The following STK31 variants were observed in gnomAD, a reference collection of about 807,000 sequenced individuals.
STK31 encodes the protein serine/threonine kinase 31.
STK31 carries 89 observed loss-of-function variants against 129.7 expected under a neutral mutation model. That is an observed-to-expected ratio of 0.69 (90% confidence interval 0.58 to 0.82). The LOEUF (loss-of-function observed/expected upper bound fraction) is 0.82, where lower values mean the gene tolerates loss of function less well. Ranked by LOEUF, STK31 falls within the 40% of genes least tolerant of loss-of-function variation. The probability of loss-of-function intolerance (pLI) is 0.00; values close to 1 mark genes in which losing one functional copy is unlikely to be tolerated. For missense variants in STK31, 1,187 were observed against 1,176.4 expected (o/e 1.01, Z -0.13); for synonymous variants, 448 against 395.3 (o/e 1.13, Z -1.58).
rs1305030561 is a variant in STK31 at position 23,736,948 on chromosome 7, G to T, written c.887G>T (p.Ser296Ile). 6.2e-7 allele frequency: 1 copy of T among 1,612,974 alleles called. No homozygotes were observed. Among genetic ancestry groups the T allele is most frequent in the Non-Finnish European group, 8.5e-7 (1 of 1,179,660 alleles). The change falls in exon 8 of 24, where the codon AGC becomes ATC. Residue 296 changes from serine to isoleucine, a missense_variant. By Grantham distance (142) the Ser-to-Ile change is moderately radical. Transcript: ENST00000355870. Reference sequence around the variant, plus strand: ...GACTTTAATTTAGGGTCTAACGTCAGCCTGGAAAAAATTAAGCAGGACCAG... The same window carrying T: ...GACTTTAATTTAGGGTCTAACGTCATCCTGGAAAAAATTAAGCAGGACCAG... The part of the protein sequence containing the change: ...VGDFNLGSNV[S>I]LEKIKQDQKL...
intron 23 of STK31, among the ~76,000 whole-genome samples, chr7:23,825,463 A>G (rs1207360696): frequency 6.6e-6 from 1 of 151,960 alleles, no homozygotes; most frequent in African/African-American, 2.4e-5. Flanking sequence ...GTCATTTTTT[A>G]TTGCATCTAT....
chr7:23,832,134 A>G lies in STK31; in HGVS notation c.2830-2A>G. ...TTTTGTAACACCTGTTTTTCCTTGC[A>G]GGATGATAAAGTCAAATCCCTCCTC... On this transcript the variant is annotated splice_acceptor_variant, in intron 23 of 23. Coordinates refer to ENST00000355870, the MANE Select transcript of STK31 (RefSeq NM_031414.5). LOFTEE classifies it high-confidence loss of function. 1 of 1,606,618 alleles carries G rather than the reference A, an allele frequency of 6.2e-7. No homozygotes were observed. Among genetic ancestry groups the G allele is most frequent in the Non-Finnish European group, 8.5e-7 (1 of 1,174,214 alleles).
At chr7:23,730,878 A>ATATATATATATATATTTTTT in intron 6 of STK31, among the ~76,000 whole-genome samples, 1 of 59,542 alleles carries the variant, frequency 1.7e-5, no homozygotes, top group Admixed American at 2.7e-4. Context: ...ATATATATAT[A>ATATATATATATATATTTTTT]TTTTTTTTTT....
At chr7:23,767,612 A>G (rs1789911083) in intron 11 of STK31, among the ~76,000 whole-genome samples, 1 of 152,180 alleles carries the variant, frequency 6.6e-6, no homozygotes, top group Non-Finnish European at 1.5e-5. Context: ...AGTGAAGGAA[A>G]GAGAATGGTC....
intron 9 of STK31, among the ~76,000 whole-genome samples, chr7:23,753,404 T>C (rs1584386540): frequency 1.3e-5 from 2 of 152,184 alleles, no homozygotes; most frequent in Non-Finnish European, 2.9e-5. Context: ...AAGGGTGTCA[T>C]GTCCAGGATT....
rs1229714817 is a variant in STK31 at position 23,786,877 on chromosome 7, A to G, written c.2440A>G (p.Arg814Gly). The G allele has an allele frequency of 6.2e-7, 1 of 1,614,034 alleles. No homozygotes were observed. Reference protein sequence around the residue: ...MAYLMVPYYPRANLNAVQANM... With the variant: ...MAYLMVPYYPGANLNAVQANM... ...TTATCTGATGGTCCCATACTACCCT[A>G]GGGCAAACCTGAATGCTGTTCAAGC... The change falls in exon 20 of 24, where the codon AGG becomes GGG. Residue 814 changes from arginine to glycine, a missense_variant. Transcript: ENST00000355870.
At chr7:23,755,563 A>G (rs924083389) in intron 10 of STK31, among the ~76,000 whole-genome samples, 6 of 152,162 alleles carry the variant, frequency 3.9e-5, no homozygotes, top group African/African-American at 1.4e-4. Flanking sequence ...TTTTGTCAAG[A>G]AGTCTTTGCC....
rs140069274 is a variant in STK31 at position 23,711,398 on chromosome 7, C to G, written c.51-701C>G. ...GTTGCAGTGAGCTAAGATCTCCAGC[C>G]TGAGCGACAGAGCAAGACTTCGTTT... is the stretch of plus-strand genomic sequence containing the variant. On this transcript the variant is annotated intron_variant, in intron 1 of 23. Coordinates refer to ENST00000355870, the MANE Select transcript of STK31 (RefSeq NM_031414.5). 5.9e-4 allele frequency among the ~76,000 whole-genome samples: 89 copies of G among 150,926 alleles called. No homozygotes were observed. In the East Asian group the frequency reaches 0.017, roughly 28 times the overall value.
At chr7:23,735,008 C>G (rs761193239) in intron 6 of STK31, among the ~76,000 whole-genome samples, 25 of 152,080 alleles carry the variant, frequency 1.6e-4, no homozygotes, top group Non-Finnish European at 3.2e-4. Context: ...TTTGTGACAC[C>G]TCACATTTTA....
intron 10 of STK31, among the ~76,000 whole-genome samples, chr7:23,759,111 A>G (rs966263789): frequency 5.3e-5 from 8 of 152,232 alleles, no homozygotes; most frequent in Admixed American, 5.2e-4. Context: ...ATATGCACCC[A>G]AGGAGCACCC....
Position 23,783,602 on chromosome 7 carries a change from C to T in STK31, c.2087C>T (p.Ala696Val), listed in dbSNP as rs374354309. 2.5e-6 allele frequency: 4 copies of T among 1,610,282 alleles called. No individual in the cohort carries two copies. The highest frequency in any genetic ancestry group is 3.4e-6 in the Non-Finnish European group (4 of 1,179,182). The change falls in exon 17 of 24, where the codon GCA becomes GTA. Residue 696 changes from alanine (A) to valine (V), a missense_variant. Coordinates refer to ENST00000355870, the MANE Select transcript of STK31 (RefSeq NM_031414.5). ...REEYEMLTSLAQKWFPELPLL... is the reference protein window; with the variant it reads ...REEYEMLTSLVQKWFPELPLL... The stretch of plus-strand genomic sequence containing the variant: ...CTTTAGGAGATGCTAACTAGTTTGG[C>T]ACAGAAATGGTTCCCTGAGCTGCCT...
intron 4 of STK31, among the ~76,000 whole-genome samples, chr7:23,719,598 A>G (rs1305437902): frequency 6.6e-6 from 1 of 152,106 alleles, no homozygotes; most frequent in East Asian, 1.9e-4. Flanking sequence ...TTCCTTTCCT[A>G]AATAGAAATG....
intron 22 of STK31, among the ~76,000 whole-genome samples, chr7:23,799,564 C>G (rs1010207509): frequency 6.6e-5 from 10 of 152,202 alleles, no homozygotes; most frequent in African/African-American, 2.2e-4. Context: ...GAAACTGGAC[C>G]CCTTCCTTAC....
chr7:23,793,566 G>T (rs1791770299), intron 22 of STK31, among the ~76,000 whole-genome samples: 1 of 152,108 alleles, frequency 6.6e-6, no homozygotes, highest in Admixed American at 6.5e-5. Flanking sequence ...GTTAAGAAAT[G>T]GGCAAAATAT....
chr7:23,738,811 A>G (rs1054188333), intron 8 of STK31, among the ~76,000 whole-genome samples: 3 of 152,144 alleles, frequency 2.0e-5, no homozygotes, highest in Non-Finnish European at 4.4e-5. Flanking sequence ...TCTGCCTCCC[A>G]AAGTGCTGGG....
At chr7:23,801,737 C>G (rs1310291225) in intron 22 of STK31, among the ~76,000 whole-genome samples, 1 of 152,020 alleles carries the variant, frequency 6.6e-6, no homozygotes, top group Non-Finnish European at 1.5e-5. Context: ...AGGTTTATGT[C>G]AGGGTTCATG....
chr7:23,818,776 C>T (rs1314741546), intron 23 of STK31, among the ~76,000 whole-genome samples: 1 of 152,076 alleles, frequency 6.6e-6, no homozygotes, highest in Non-Finnish European at 1.5e-5. Flanking sequence ...AGTCACATGC[C>T]ACCACACCTG....
chr7:23,720,733 C>G (rs1195857460), intron 4 of STK31, among the ~76,000 whole-genome samples: 1 of 152,060 alleles, frequency 6.6e-6, no homozygotes, highest in Non-Finnish European at 1.5e-5. Context: ...GCAGAAGTAG[C>G]AGGACTGTAA....
rs1785887403 is a variant in STK31 at position 23,710,586 on chromosome 7, ACT to A, written c.50+256_50+257del. ...GAAGACGCGGTCACGCAGCCTCCAC[ACT>A]CTCTTCCCCTTCTCGAAAATTCTGT... On this transcript the variant is annotated intron_variant, in intron 1 of 23. Transcript: ENST00000355870. 6.6e-6 allele frequency: 9 copies of A among 1,353,818 alleles called. No individual in the cohort carries two copies. The South Asian group carries it at 8.2e-5, about 12-fold the overall frequency. 83.9% of individuals were successfully genotyped at this position (1,353,818 alleles called of 1,614,324 possible). A position where few individuals can be genotyped will look rare whatever the true frequency, so the allele number is the denominator to read the frequency against.
Sources: allele counts gnomAD v4.1 joint callset (sites outside exome capture counted in the v4.1 genomes callset), GRCh38; gene constraint gnomAD v4.1.1; transcripts MANE v1.5; gene names NCBI Gene and HGNC (gene_info 2026-07-23, HGNC 2026-07-21).